Variants in CHI3L1 observed in about 807,000 individuals in gnomAD.
CHI3L1 encodes the protein chitinase 3 like 1, also known as chitinase-3-like protein 1.
CHI3L1 carries 30 observed loss-of-function variants against 40.7 expected under a neutral mutation model. The observed-to-expected ratio is 0.74, with a 90% CI of 0.55 to 1.00. The LOEUF is 1.00. Ranked by LOEUF, CHI3L1 falls within the 50% of genes least tolerant of loss-of-function variation. CHI3L1 has a pLI of 0.00. For missense variants in CHI3L1, 493 were observed against 492.2 expected (o/e 1.00, Z -0.01); for synonymous variants, 210 against 192.1 (o/e 1.09, Z -0.77).
intron 2 of CHI3L1, 54 bp downstream of exon 2, chr1:203,186,262 C>A (rs1656052644): frequency 1.3e-6 from 2 of 1,551,996 alleles, no homozygotes; most frequent in Admixed American, 3.9e-5. Flanking sequence ...CACACCTGCC[C>A]TGTGCCCTCG....
At position 203,180,473 on chromosome 1, in the gene CHI3L1, A is replaced by G. The variant is rs1247730774; in HGVS notation, c.891T>C (p.Tyr297=). The change falls in exon 8 of 10, where the codon TAT becomes TAC. Residue 297 remains tyrosine, a synonymous_variant. Coordinates refer to ENST00000255409, the MANE Select transcript of CHI3L1 (RefSeq NM_001276.4). The part of the protein sequence containing the change: ...FTKEAGTLAY[Y]EICDFLRGAT... Reference sequence around the variant, plus strand: ...ACCTTCTCCCCAACTCCATTACCTCATAGTAGGCAAGGGTCCCTGCCTCCT... The same window carrying G: ...ACCTTCTCCCCAACTCCATTACCTCGTAGTAGGCAAGGGTCCCTGCCTCCT... 3 of 1,579,558 alleles carry G rather than the reference A, an allele frequency of 1.9e-6. No homozygotes were observed. The highest frequency in any genetic ancestry group is 2.4e-5 in the East Asian group (1 of 42,518).
intron 3 of CHI3L1, 123 bp downstream of exon 3, chr1:203,185,061 G>T: frequency 1.3e-6 from 1 of 772,326 alleles, no homozygotes; most frequent in Non-Finnish European, 2.2e-6. Context: ...TTTAAGCCAA[G>T]CCCCTCTAAC....
chr1:203,184,629 G>A lies in CHI3L1; in HGVS notation c.261C>T (p.Asn87=). The part of the protein sequence containing the change: ...YGMLNTLKNR[N]PNLKTLLSVG... Reference sequence around the variant, plus strand: ...CAGACAAGAGAGTCTTCAGGTTGGGGTTCCTGTGGAGCACAGGGAGGTGGG... The same window carrying A: ...CAGACAAGAGAGTCTTCAGGTTGGGATTCCTGTGGAGCACAGGGAGGTGGG... The change falls in exon 4 of 10, where the codon AAC becomes AAT. Residue 87 remains asparagine (N), a synonymous_variant. Coordinates refer to ENST00000255409, the MANE Select transcript of CHI3L1 (RefSeq NM_001276.4). 6.2e-7 allele frequency: 1 copy of A among 1,613,956 alleles called. No homozygotes were observed. The highest frequency in any genetic ancestry group is 8.5e-7 in the Non-Finnish European group (1 of 1,179,858).
Position 203,179,599 on chromosome 1 carries a change from C to T in CHI3L1, c.1012-14G>A, listed in dbSNP as rs373596867. 28 of 1,612,478 alleles carry T rather than the reference C, an allele frequency of 1.7e-5. No homozygotes were observed. In the African/African-American group the frequency reaches 2.8e-4, roughly 16 times the overall value. On this transcript the variant is annotated splice_polypyrimidine_tract_variant and intron_variant, in intron 9 of 9. Transcript: ENST00000255409. ...CAGGTACTGCACCTGGCAGGGGAGG[C>T]CCAGAGGAGCAGGGCTGGGTTCCCT...
Position 203,182,764 on chromosome 1 carries a change from A to G in CHI3L1, c.554T>C (p.Ile185Thr), listed in dbSNP as rs747694558. 26 of 1,614,000 alleles carry G rather than the reference A, an allele frequency of 1.6e-5. No homozygotes were observed. The highest frequency in any genetic ancestry group is 1.1e-4 in the East Asian group (5 of 44,900). The stretch of plus-strand genomic sequence containing the variant: ...CTTGGCAATGTCATAGCTGCTGTCA[A>G]TGGTGACCTTCCCCGCAGACAGTGC... ...SAALSAGKVT[I>T]DSSYDIAKIS... is the part of the protein sequence containing the mutation. Residue 185 changes from isoleucine (I) to threonine (T), a missense_variant, in exon 6 of 10, where the codon ATT (isoleucine) becomes ACT (threonine). Coordinates refer to ENST00000255409, the MANE Select transcript of CHI3L1 (RefSeq NM_001276.4).
chr1:203,184,663 G>C (rs1656018628), intron 3 of CHI3L1, 31 bp from the exon 4 acceptor site: 1 of 1,591,362 alleles, frequency 6.3e-7, no homozygotes, highest in Non-Finnish European at 8.6e-7. Context: ...GGGAGGGCAG[G>C]AGTGGAATGA....
chr1:203,179,773 G>A lies in CHI3L1; in HGVS notation c.999C>T (p.Ser333=), dbSNP rs371844437. The A allele has an allele frequency of 1.6e-5, 26 of 1,614,064 alleles. No homozygotes were observed. The highest frequency in any genetic ancestry group is 6.7e-5 in the East Asian group (3 of 44,898). ...NQWVGYDDQE[S]VKSKVQYLKD... ...TGGGGAAACCTACCTTGCTTTTGAC[G>A]CTTTCCTGGTCGTCGTATCCTACCC... Residue 333 remains serine, a synonymous_variant, in exon 9 of 10, where the codon AGC becomes AGT. Coordinates refer to ENST00000255409, the MANE Select transcript of CHI3L1 (RefSeq NM_001276.4).
chr1:203,180,248 C>A (rs2297838), intron 8 of CHI3L1: 127,764 of 573,294 alleles, frequency 0.22, 19,255 homozygotes, highest in African/African-American at 0.52. Context: ...AGCCAGAGGG[C>A]TATCCCAGGT....
chr1:203,180,205 T>G (rs1283468883), intron 8 of CHI3L1: 5 of 562,314 alleles, frequency 8.9e-6, no homozygotes, highest in Non-Finnish European at 9.5e-6. Flanking sequence ...ACCTCTGCTC[T>G]TTCCTGGGCT....
rs748581806 is a variant in CHI3L1 at position 203,179,915 on chromosome 1, G to C, written c.895-38C>G. 4.4e-6 allele frequency: 7 copies of C among 1,598,546 alleles called. 1 individual carries two copies. The South Asian group carries it at 5.5e-5, about 13-fold the overall frequency. On this transcript the variant is annotated intron_variant, in intron 8 of 9. Transcript: ENST00000255409. Reference sequence around the variant, plus strand: ...CAGGGAAAAGGCAGTGTGGGGAGTCGTGCCGAGACCTTGCAGGTCACCAGG... The same window carrying C: ...CAGGGAAAAGGCAGTGTGGGGAGTCCTGCCGAGACCTTGCAGGTCACCAGG...
At chr1:203,185,427 C>T (rs568286462) in intron 2 of CHI3L1, 42 bp from the exon 3 acceptor site, 1 of 1,575,398 alleles carries the variant, frequency 6.3e-7, no homozygotes, top group African/African-American at 1.3e-5. Flanking sequence ...CAGGATTCGG[C>T]AAGAGACCTC....
Position 203,179,156 on chromosome 1 carries a change from T to C in CHI3L1, c.*289A>G, listed in dbSNP as rs892072752. On this transcript the variant is annotated 3_prime_UTR_variant, in exon 10 of 10. Coordinates refer to ENST00000255409, the MANE Select transcript of CHI3L1 (RefSeq NM_001276.4). The stretch of plus-strand genomic sequence containing the variant: ...CTGGGGGGCAGGGAGTTGAAGAAAT[T>C]CCCTTGCCAGGCTTGGGGATCTGTA... 12 of 267,184 alleles carry C rather than the reference T, an allele frequency of 4.5e-5. No individual in the cohort carries two copies. Among genetic ancestry groups the C allele is most frequent in the African/African-American group, 2.6e-4 (12 of 45,612 alleles). The allele number at this position is 267,184 out of a possible 1,614,324, so 16.6% of individuals were successfully genotyped here. A position where few individuals can be genotyped will look rare whatever the true frequency, so the allele number is the denominator to read the frequency against.
At chr1:203,185,487 G>A in intron 2 of CHI3L1, 102 bp from the exon 3 acceptor site, 4 of 941,608 alleles carry the variant, frequency 4.2e-6, no homozygotes, top group Non-Finnish European at 6.8e-6. Context: ...TGGGTAGGGA[G>A]GAGTGGGGTG....
chr1:203,184,507 G>T (rs964768353), intron 4 of CHI3L1, 69 bp downstream of exon 4: 3 of 1,312,096 alleles, frequency 2.3e-6, no homozygotes, highest in Non-Finnish European at 3.3e-6. Context: ...CAGTGGATGC[G>T]GGAGACCCAA....
chr1:203,180,275 C>T, intron 8 of CHI3L1, 195 bp downstream of exon 8: 1 of 591,848 alleles, frequency 1.7e-6, no homozygotes, highest in Non-Finnish European at 2.9e-6. Flanking sequence ...TGGTGCAGGC[C>T]CATGTGCCTG....
In CHI3L1 at chr1:203,179,771, A is replaced by G. The variant is rs1263744475; in HGVS notation, c.1001T>C (p.Val334Ala). 6.2e-7 allele frequency: 1 copy of G among 1,613,966 alleles called. No homozygotes were observed. The highest frequency in any genetic ancestry group is 1.7e-5 in the Admixed American group (1 of 60,022). ...QWVGYDDQES[V>A]KSKVQYLKDR... ...CTTGGGGAAACCTACCTTGCTTTTG[A>G]CGCTTTCCTGGTCGTCGTATCCTAC... Residue 334 changes from valine (V) to alanine (A), a missense_variant, in exon 9 of 10, where the codon GTC (valine) becomes GCC (alanine). Coordinates refer to ENST00000255409, the MANE Select transcript of CHI3L1 (RefSeq NM_001276.4).
chr1:203,182,964 C>A, intron 5 of CHI3L1, 112 bp from the exon 6 acceptor site: 2 of 1,093,348 alleles, frequency 1.8e-6, no homozygotes, highest in South Asian at 1.4e-5. Context: ...CCCCAACCTG[C>A]CTGGGGCCTA....
rs202186153 is a variant in CHI3L1, at chr1:203,185,276, G to C, written c.165C>G (p.Ile55Met). Reference protein sequence around the residue: ...ALDRFLCTHIIYSFANISNDH... With the variant: ...ALDRFLCTHIMYSFANISNDH... Reference sequence around the variant, plus strand: ...CGTTGCTTATATTGGCAAAGCTGTAGATGATGTGGGTACAGAGGAAGCGGT... The same window carrying C: ...CGTTGCTTATATTGGCAAAGCTGTACATGATGTGGGTACAGAGGAAGCGGT... Residue 55 changes from isoleucine (I) to methionine (M), a missense_variant, in exon 3 of 10, where the codon ATC (isoleucine) becomes ATG (methionine). Coordinates refer to ENST00000255409, the MANE Select transcript of CHI3L1 (RefSeq NM_001276.4). 1.2e-6 allele frequency: 2 copies of C among 1,614,212 alleles called. No individual in the cohort carries two copies. The highest frequency in any genetic ancestry group is 1.7e-6 in the Non-Finnish European group (2 of 1,180,014).
Position 203,181,281 on chromosome 1 carries a change from G to A in CHI3L1, c.592C>T (p.Leu198=). ...TAGGTCATGATGCTAATGAAATCCAGGTGTCTGAGGAGGAAGGGGATGGAG... is the reference window on the plus strand; with the variant it reads ...TAGGTCATGATGCTAATGAAATCCAAGTGTCTGAGGAGGAAGGGGATGGAG... The part of the protein sequence containing the change: ...SYDIAKISQH[L]DFISIMTYDF... The change falls in exon 7 of 10, where the codon CTG becomes TTG. Residue 198 remains leucine, a synonymous_variant. Transcript: ENST00000255409. 5 of 1,613,840 alleles carry A rather than the reference G, an allele frequency of 3.1e-6. No individual in the cohort carries two copies. Among genetic ancestry groups the A allele is most frequent in the Non-Finnish European group, 3.4e-6 (4 of 1,179,840 alleles).
Sources: allele counts gnomAD v4.1 joint callset, GRCh38; gene constraint gnomAD v4.1.1; transcripts MANE v1.5; gene names NCBI Gene and HGNC (gene_info 2026-07-23, HGNC 2026-07-21).